Variants in ARMC3 observed in about 807,000 individuals in gnomAD.
ARMC3 encodes armadillo repeat-containing protein 3.
ARMC3 carries 74 observed loss-of-function variants against 90.3 expected under a neutral mutation model. That is an observed-to-expected ratio of 0.82 (90% CI 0.68 to 0.99). The LOEUF is 0.99. Among genes scored for constraint, ARMC3 ranks in the 50% least tolerant of loss-of-function variants. The probability of loss-of-function intolerance (pLI) is 0.00; values close to 1 mark genes in which losing one functional copy is unlikely to be tolerated. For synonymous variants in ARMC3, 334 were observed against 361.8 expected, an observed-to-expected ratio of 0.92 and a Z score of 0.87; for missense variants, 958 against 1,042.8, an observed-to-expected ratio of 0.92 and a Z score of 1.12.
chr10:22,954,165 T>C (rs1660203007), intron 3 of ARMC3, among the ~76,000 whole-genome samples: 1 of 152,208 alleles, frequency 6.6e-6, no homozygotes, highest in Admixed American at 6.5e-5. Flanking sequence ...TCCTCTTTGG[T>C]GATGTATCTG....
chr10:22,981,695 T>C lies in ARMC3; in HGVS notation c.1170T>C (p.Asn390=). 1.2e-6 allele frequency: 2 copies of C among 1,612,960 alleles called. No homozygotes were observed. Among genetic ancestry groups the C allele is most frequent in the East Asian group, 2.2e-5 (1 of 44,864 alleles). The change falls in exon 10 of 19, where the codon AAT becomes AAC. Residue 390 remains asparagine, a synonymous_variant. Coordinates refer to ENST00000298032, the MANE Select transcript of ARMC3 (RefSeq NM_173081.5). ...ACCTAACCACTTGCAACCCTGCTAATGCAAAGTAAGTTCAGAGATCCTCAC... is the reference window on the plus strand; with the variant it reads ...ACCTAACCACTTGCAACCCTGCTAACGCAAAGTAAGTTCAGAGATCCTCAC... The part of the protein sequence containing the change: ...LANLTTCNPA[N]ANAAAEADGI...
At chr10:23,022,326 G>T (rs1838543926) in intron 16 of ARMC3, among the ~76,000 whole-genome samples, 1 of 152,130 alleles carries the variant, frequency 6.6e-6, no homozygotes, top group Non-Finnish European at 1.5e-5. Flanking sequence ...TTGTACCTTT[G>T]TCAAAAATCA....
rs77446202 is a variant in ARMC3 at position 23,012,893 on chromosome 10, T to C, written c.2045+3962T>C. On this transcript the variant is annotated intron_variant, in intron 16 of 18. Transcript: ENST00000298032. Reference sequence around the variant, plus strand: ...CCCAGAGGTGCTAGCCCCCACCTTTTTTTTTTTTTTTTTTGAGACAGAGTC... The same window carrying C: ...CCCAGAGGTGCTAGCCCCCACCTTTCTTTTTTTTTTTTTTGAGACAGAGTC... Among the ~76,000 whole-genome samples, 174 of 147,482 alleles carry C rather than the reference T, an allele frequency of 1.2e-3. 6 individuals carry two copies. Among genetic ancestry groups the C allele is most frequent in the South Asian group, 2.2e-3 (10 of 4,576 alleles).
At chr10:22,941,074 A>G (rs1307288074) in intron 2 of ARMC3, among the ~76,000 whole-genome samples, 2 of 152,172 alleles carry the variant, frequency 1.3e-5, no homozygotes, top group Non-Finnish European at 2.9e-5. Context: ...ATTCTGCCAC[A>G]TGAAAGAAGC....
intron 10 of ARMC3, among the ~76,000 whole-genome samples, chr10:22,987,600 T>G (rs1836506994): frequency 6.6e-6 from 1 of 152,170 alleles, no homozygotes; most frequent in African/African-American, 2.4e-5. Flanking sequence ...CTACAATTAT[T>G]TTAATAACTA....
intron 16 of ARMC3, among the ~76,000 whole-genome samples, chr10:23,012,910 G>T (rs548244600): frequency 3.9e-5 from 5 of 128,506 alleles, no homozygotes; most frequent in Non-Finnish European, 6.3e-5. Flanking sequence ...TTTTTTTTGA[G>T]ACAGAGTCTC....
At chr10:23,013,340 A>T (rs895001444) in intron 16 of ARMC3, among the ~76,000 whole-genome samples, 1 of 152,120 alleles carries the variant, frequency 6.6e-6, no homozygotes, top group Non-Finnish European at 1.5e-5. Context: ...GTTCCTATTC[A>T]TTCTTTATTT....
chr10:23,028,733 G>T (rs1200080072), intron 16 of ARMC3, among the ~76,000 whole-genome samples: 1 of 152,186 alleles, frequency 6.6e-6, no homozygotes. Flanking sequence ...ATGCCAACCA[G>T]TATCCACTTT....
Position 22,987,218 on chromosome 10 carries a change from A to G in ARMC3, c.1175+5518A>G, listed in dbSNP as rs78871223. Among the ~76,000 whole-genome samples, 373 of 152,334 alleles carry G rather than the reference A, an allele frequency of 2.4e-3. 1 individual carries two copies. The highest frequency in any genetic ancestry group is 8.7e-3 in the African/African-American group (363 of 41,580). On this transcript the variant is annotated intron_variant, in intron 10 of 18. Transcript: ENST00000298032. ...AAATTTCATGTTACATTTATCCTGT[A>G]TGCTTCTATCCAATTAATCATATCA...
Position 23,029,863 on chromosome 10 carries a change from T to G in ARMC3, c.2046-733T>G, listed in dbSNP as rs138800796. Among the ~76,000 whole-genome samples, 614 of 145,306 alleles carry G rather than the reference T, an allele frequency of 4.2e-3. 9 individuals carry two copies. The highest frequency in any genetic ancestry group is 0.017 in the Middle Eastern group (5 of 290). ...TTACATGCCATTCTCATTTTGTAGG[T>G]TTTTTTTGCTTTATTTCCTTGTTTT... On this transcript the variant is annotated intron_variant, in intron 16 of 18. Coordinates refer to ENST00000298032, the MANE Select transcript of ARMC3 (RefSeq NM_173081.5).
intron 2 of ARMC3, among the ~76,000 whole-genome samples, chr10:22,942,646 A>G (rs979637418): frequency 2.0e-5 from 3 of 152,226 alleles, no homozygotes; most frequent in African/African-American, 7.2e-5. Flanking sequence ...TGGGAATGTA[A>G]ATTGATAAAA....
intron 8 of ARMC3, among the ~76,000 whole-genome samples, chr10:22,977,829 C>A (rs889483809): frequency 1.3e-5 from 2 of 152,192 alleles, no homozygotes; most frequent in African/African-American, 4.8e-5. Context: ...GTTCACATAT[C>A]CCAATAAATT....
intron 8 of ARMC3, among the ~76,000 whole-genome samples, chr10:22,975,038 G>T (rs759875352): frequency 1.3e-5 from 2 of 152,130 alleles, no homozygotes; most frequent in Non-Finnish European, 2.9e-5. Context: ...AGTGTGTGCT[G>T]TCAATTTCTC....
intron 6 of ARMC3, 27 bp from the exon 7 acceptor site, chr10:22,961,857 T>C (rs1259780984): frequency 1.3e-6 from 2 of 1,538,816 alleles, no homozygotes; most frequent in Admixed American, 4.4e-5. Flanking sequence ...CTTAAAAAAA[T>C]TATTGATCAT....
chr10:22,983,969 T>A (rs1186678121), intron 10 of ARMC3, among the ~76,000 whole-genome samples: 1 of 152,198 alleles, frequency 6.6e-6, no homozygotes, highest in African/African-American at 2.4e-5. Context: ...TTCAATCATT[T>A]CCCCAGGAAG....
intron 2 of ARMC3, among the ~76,000 whole-genome samples, chr10:22,944,600 C>A (rs1345776250): frequency 6.6e-6 from 1 of 152,132 alleles, no homozygotes; most frequent in Non-Finnish European, 1.5e-5. Context: ...ACTCCAGCTT[C>A]CTAACTTTTC....
At chr10:23,023,031 A>G (rs539901232) in intron 16 of ARMC3, among the ~76,000 whole-genome samples, 4 of 152,140 alleles carry the variant, frequency 2.6e-5, no homozygotes, top group Admixed American at 2.6e-4. Context: ...TCACCAAGAG[A>G]CATGGACTGG....
At chr10:23,017,832 T>C (rs1838343577) in intron 16 of ARMC3, among the ~76,000 whole-genome samples, 1 of 152,238 alleles carries the variant, frequency 6.6e-6, no homozygotes, top group African/African-American at 2.4e-5. Flanking sequence ...CCCCATTTTC[T>C]TGATTTCTTG....
intron 10 of ARMC3, among the ~76,000 whole-genome samples, chr10:22,986,423 A>G (rs919536132): frequency 1.3e-5 from 2 of 151,926 alleles, no homozygotes; most frequent in Admixed American, 1.3e-4. Flanking sequence ...ATGGTGGTGC[A>G]TATCTGTAAT....
Sources: allele counts gnomAD v4.1 joint callset (sites outside exome capture counted in the v4.1 genomes callset), GRCh38; gene constraint gnomAD v4.1.1; transcripts MANE v1.5; gene names NCBI Gene and HGNC (gene_info 2026-07-23, HGNC 2026-07-21).